RALYL: variants seen among roughly 807,000 people sequenced by gnomAD.
RALYL encodes RNA-binding Raly-like protein.
RALYL carries 29 observed loss-of-function variants against 35.1 expected under a neutral mutation model. That is an observed-to-expected ratio of 0.83 (90% CI 0.61 to 1.13). The LOEUF is 1.13. Ranked by LOEUF, RALYL falls within the 50% of genes most tolerant of loss-of-function variation. The probability of loss-of-function intolerance (pLI) is 0.00; values close to 1 mark genes in which losing one functional copy is unlikely to be tolerated. For synonymous variants in RALYL, 120 were observed against 127.6 expected (o/e 0.94, Z 0.40); for missense variants, 359 against 360.4 (o/e 1.00, Z 0.03).
intron 2 of RALYL, among the ~76,000 whole-genome samples, chr8:84,753,959 G>T (rs1402932204): frequency 6.6e-6 from 1 of 151,914 alleles, no homozygotes; most frequent in African/African-American, 2.4e-5. Context: ...GTCTGTTCAT[G>T]TCCTTCGCCC....
chr8:84,248,045 A>T (rs1444467769), intron 1 of RALYL, among the ~76,000 whole-genome samples: 1 of 152,168 alleles, frequency 6.6e-6, no homozygotes, highest in East Asian at 1.9e-4. Context: ...AATCATGATA[A>T]TTACAACAAT....
At chr8:84,194,426 T>C (rs560011068) in intron 1 of RALYL, among the ~76,000 whole-genome samples, 1 of 152,278 alleles carries the variant, frequency 6.6e-6, no homozygotes, top group South Asian at 2.1e-4. Context: ...ATATGTAATG[T>C]GTTTGTGTAT....
chr8:84,402,499 T>C (rs542718114), intron 1 of RALYL, among the ~76,000 whole-genome samples: 14 of 152,238 alleles, frequency 9.2e-5, no homozygotes, highest in Non-Finnish European at 1.3e-4. Context: ...GTCTACATGA[T>C]CAACTACCTA....
At chr8:84,327,935 G>A (rs1846118212) in intron 1 of RALYL, among the ~76,000 whole-genome samples, 1 of 152,040 alleles carries the variant, frequency 6.6e-6, no homozygotes, top group African/African-American at 2.4e-5. Flanking sequence ...AGTATAGAAA[G>A]CTAACTAAAA....
intron 1 of RALYL, among the ~76,000 whole-genome samples, chr8:84,403,896 T>G (rs914970848): frequency 2.0e-5 from 3 of 152,148 alleles, no homozygotes; most frequent in African/African-American, 7.2e-5. Context: ...GTCCTTTATA[T>G]CCACTGTAAG....
rs913807932 is a variant in RALYL at position 84,341,518 on chromosome 8, A to G, written c.-24+157094A>G. 4.6e-5 allele frequency among the ~76,000 whole-genome samples: 7 copies of G among 152,114 alleles called. No homozygotes were observed. The East Asian group carries it at 1.4e-3, about 29-fold the overall frequency. ...TCCTTCTTAAAATGATTATTTTTCT[A>G]TAATGTATCGGTATCGCATTTATAT... is the stretch of plus-strand genomic sequence containing the variant. On this transcript the variant is annotated intron_variant, in intron 1 of 8. Transcript: ENST00000521268.
chr8:84,603,962 A>G (rs1816553360), intron 2 of RALYL, among the ~76,000 whole-genome samples: 1 of 151,948 alleles, frequency 6.6e-6, no homozygotes, highest in Non-Finnish European at 1.5e-5. Context: ...TTAATATCTG[A>G]CAATTTCTAT....
intron 2 of RALYL, among the ~76,000 whole-genome samples, chr8:84,738,628 G>A (rs528259453): frequency 1.3e-5 from 2 of 151,884 alleles, no homozygotes; most frequent in African/African-American, 2.4e-5. Context: ...GCATAGCATC[G>A]TTATATATTA....
chr8:84,748,519 T>C (rs1244363640), intron 2 of RALYL, among the ~76,000 whole-genome samples: 2 of 152,028 alleles, frequency 1.3e-5, no homozygotes, highest in African/African-American at 4.8e-5. Flanking sequence ...TTGAGTTACT[T>C]AAAAAACAAA....
At chr8:84,682,534 T>C (rs1835791807) in intron 2 of RALYL, among the ~76,000 whole-genome samples, 1 of 152,332 alleles carries the variant, frequency 6.6e-6, no homozygotes, top group Admixed American at 6.5e-5. Flanking sequence ...TATTGGTCTA[T>C]TCAGAGATTC....
intron 1 of RALYL, among the ~76,000 whole-genome samples, chr8:84,366,957 C>A (rs1854434218): frequency 6.6e-6 from 1 of 151,586 alleles, no homozygotes. Flanking sequence ...CTCTATATGA[C>A]CTAACATACT....
chr8:84,185,091 TC>T, intron 1 of RALYL: 1 of 1,511,830 alleles, frequency 6.6e-7, no homozygotes, highest in South Asian at 1.1e-5. Flanking sequence ...ATCTTTTTTT[TC>T]CCTGTTGTGT....
intron 5 of RALYL, among the ~76,000 whole-genome samples, chr8:84,852,305 A>AT (rs1836020320): frequency 6.6e-6 from 1 of 152,146 alleles, no homozygotes; most frequent in Non-Finnish European, 1.5e-5. Context: ...TTTAAGAATG[A>AT]TTTTCTCAAA....
chr8:84,389,192 A>G (rs1374485744), intron 1 of RALYL, among the ~76,000 whole-genome samples: 1 of 152,034 alleles, frequency 6.6e-6, no homozygotes, highest in African/African-American at 2.4e-5. Context: ...GTTCTGTTCC[A>G]TTGATCTATA....
At chr8:84,185,525 C>T (rs935335200) in intron 1 of RALYL, among the ~76,000 whole-genome samples, 1 of 152,084 alleles carries the variant, frequency 6.6e-6, no homozygotes, top group African/African-American at 2.4e-5. Context: ...GTATTTAACA[C>T]TGTGACCGAA....
At chr8:84,677,786 CT>C (rs751027062) in intron 2 of RALYL, among the ~76,000 whole-genome samples, 1 of 152,132 alleles carries the variant, frequency 6.6e-6, no homozygotes, top group African/African-American at 2.4e-5. Flanking sequence ...CGTGAAATGA[CT>C]TTTTTTATGA....
chr8:84,200,429 A>T (rs536633834), intron 1 of RALYL, among the ~76,000 whole-genome samples: 11 of 152,296 alleles, frequency 7.2e-5, no homozygotes, highest in Non-Finnish European at 1.6e-4. Context: ...GTTACTACTT[A>T]TATCTAATTT....
intron 1 of RALYL, among the ~76,000 whole-genome samples, chr8:84,263,942 TC>T (rs1251092054): frequency 1.3e-5 from 2 of 152,166 alleles, no homozygotes; most frequent in African/African-American, 2.4e-5. Flanking sequence ...AAGGACATGA[TC>T]TCATTCTTTT....
At chr8:84,229,808 G>T (rs58515501) in intron 1 of RALYL, among the ~76,000 whole-genome samples, 15,260 of 152,078 alleles carry the variant, frequency 0.1, 1,067 homozygotes, top group African/African-American at 0.2. Context: ...ACATCCCAAG[G>T]TTGGGCACAA....
Sources: gnomAD v4.1 joint callset for allele counts (sites outside exome capture counted in the v4.1 genomes callset) on GRCh38, gnomAD v4.1.1 for gene constraint, MANE v1.5 for transcripts, NCBI Gene and HGNC (gene_info 2026-07-23, HGNC 2026-07-21) for gene names.